PLD1: variants seen among roughly 807,000 people sequenced by gnomAD.
PLD1 encodes the protein choline phosphatase 1.
Under a neutral mutation model 137.1 loss-of-function variants are expected in PLD1, and 112 were observed. The ratio of observed to expected loss-of-function variants is 0.82; its 90% CI spans 0.70 to 0.96. PLD1 has a LOEUF of 0.96. Among genes scored for constraint, PLD1 ranks in the 40% least tolerant of loss-of-function variants. The pLI, the probability that PLD1 is intolerant of heterozygous loss-of-function variation, is 0.00. For missense variants in PLD1, 1,321 were observed against 1,342.0 expected (o/e 0.98, Z 0.24); for synonymous variants, 431 against 454.7 (o/e 0.95, Z 0.66).
chr3:171,794,152 A>T (rs1026025906), intron 1 of PLD1, among the ~76,000 whole-genome samples: 5 of 152,052 alleles, frequency 3.3e-5, no homozygotes, highest in African/African-American at 1.2e-4. Flanking sequence ...CTCAAAAAAA[A>T]AAAAAGAAAA....
At chr3:171,658,620 A>G (rs1737411035) in intron 21 of PLD1, among the ~76,000 whole-genome samples, 1 of 152,190 alleles carries the variant, frequency 6.6e-6, no homozygotes, top group African/African-American at 2.4e-5. Flanking sequence ...GAAAAAGAAA[A>G]ATCAGTGGTA....
chr3:171,613,354 A>G (rs1732835166), intron 24 of PLD1, among the ~76,000 whole-genome samples: 1 of 152,202 alleles, frequency 6.6e-6, no homozygotes. Flanking sequence ...TTGTGGCACA[A>G]AAGATTCTAA....
chr3:171,686,214 C>G (rs1714546688), intron 16 of PLD1, among the ~76,000 whole-genome samples: 1 of 149,828 alleles, frequency 6.7e-6, no homozygotes, highest in African/African-American at 2.4e-5. Flanking sequence ...ATATCAAAAA[C>G]TGCATTTTAG....
At chr3:171,737,419 C>A in intron 3 of PLD1, 113 bp downstream of exon 3, 3 of 983,096 alleles carry the variant, frequency 3.1e-6, no homozygotes, top group Non-Finnish European at 4.3e-6. Flanking sequence ...TAAAAACAAA[C>A]AAACAAAAAC....
chr3:171,729,786 G>T (rs1325765805), intron 6 of PLD1, among the ~76,000 whole-genome samples: 1 of 152,208 alleles, frequency 6.6e-6, no homozygotes, highest in East Asian at 1.9e-4. Flanking sequence ...GCTTTTCCCT[G>T]TTGGAATGAA....
chr3:171,763,580 GAGAAA>G (rs1204600704), intron 1 of PLD1, among the ~76,000 whole-genome samples: 1 of 148,536 alleles, frequency 6.7e-6, no homozygotes, highest in East Asian at 2.0e-4. Context: ...GAGAAAAAAG[GAGAAA>G]AGAAAAGAGA....
chr3:171,749,234 T>TAGGGCCC (rs1397612582), intron 1 of PLD1, among the ~76,000 whole-genome samples: 1 of 152,150 alleles, frequency 6.6e-6, no homozygotes, highest in Non-Finnish European at 1.5e-5. Flanking sequence ...ACTGAAGCTG[T>TAGGGCCC]AGGGCCCAAA....
At chr3:171,740,114 T>G (rs1303731837) in intron 1 of PLD1, among the ~76,000 whole-genome samples, 2 of 152,168 alleles carry the variant, frequency 1.3e-5, no homozygotes, top group Non-Finnish European at 2.9e-5. Context: ...AAACCCTAAC[T>G]GTAGATAAGA....
intron 1 of PLD1, among the ~76,000 whole-genome samples, chr3:171,770,488 C>G (rs1722271055): frequency 6.6e-6 from 1 of 152,178 alleles, no homozygotes; most frequent in Non-Finnish European, 1.5e-5. Flanking sequence ...TGGGGCCCAA[C>G]ACTCCACTAC....
intron 9 of PLD1, among the ~76,000 whole-genome samples, chr3:171,710,878 T>G (rs1173901409): frequency 2.1e-5 from 3 of 140,468 alleles, no homozygotes; most frequent in Admixed American, 2.1e-4. Context: ...TGTTCTTTTT[T>G]TTTTTTTTTT....
chr3:171,723,591 A>G (rs1718296734), intron 8 of PLD1, among the ~76,000 whole-genome samples: 1 of 152,130 alleles, frequency 6.6e-6, no homozygotes, highest in Non-Finnish European at 1.5e-5. Context: ...TCCCATCAAC[A>G]GTGTATGAGG....
In PLD1 at chr3:171,738,091, G is replaced by C. The variant is rs751618313; in HGVS notation, c.-31-9C>G. 4.0e-6 allele frequency: 6 copies of C among 1,514,922 alleles called. No individual in the cohort carries two copies. Among genetic ancestry groups the C allele is most frequent in the Non-Finnish European group, 5.4e-6 (6 of 1,112,304 alleles). 93.8% of individuals were successfully genotyped at this position (1,514,922 alleles called of 1,614,324 possible). ...GAGTAAAAGCAAAGGGGCTAGGAAAGAAGAAAACGGTTACAAAGACTTAGC... is the reference window on the plus strand; with the variant it reads ...GAGTAAAAGCAAAGGGGCTAGGAAACAAGAAAACGGTTACAAAGACTTAGC... On this transcript the variant is annotated splice_polypyrimidine_tract_variant and intron_variant, in intron 1 of 26. Coordinates refer to ENST00000351298, the MANE Select transcript of PLD1 (RefSeq NM_002662.5).
At chr3:171,685,206 G>T (rs1170877592) in intron 16 of PLD1, among the ~76,000 whole-genome samples, 2 of 152,030 alleles carry the variant, frequency 1.3e-5, no homozygotes, top group Non-Finnish European at 2.9e-5. Context: ...TTCCAATGTG[G>T]TCCACGGAAG....
chr3:171,616,783 C>T (rs1393876740), intron 24 of PLD1, among the ~76,000 whole-genome samples: 2 of 152,164 alleles, frequency 1.3e-5, no homozygotes, highest in Non-Finnish European at 2.9e-5. Context: ...GTGGGACTCA[C>T]GCTGAATTTC....
At position 171,688,739 on chromosome 3, in the gene PLD1, G is replaced by C. The variant is rs1293864872; in HGVS notation, c.1476C>G (p.His492Gln). Residue 492 changes from histidine to glutamine, a missense_variant, in exon 14 of 27, where the codon CAC becomes CAG. Coordinates refer to ENST00000351298, the MANE Select transcript of PLD1 (RefSeq NM_002662.5). Reference sequence around the variant, plus strand: ...TCACACTGCCCACGTCTGTGAGTCTGTGCTCATTGTCGTCCCACCTTCCAT... The same window carrying C: ...TCACACTGCCCACGTCTGTGAGTCTCTGCTCATTGTCGTCCCACCTTCCAT... ...LAYGRWDDNE[H>Q]RLTDVGSVKR... 6.2e-7 allele frequency: 1 copy of C among 1,614,176 alleles called. No individual in the cohort carries two copies. The highest frequency in any genetic ancestry group is 1.7e-5 in the Admixed American group (1 of 60,022).
chr3:171,658,726 G>A (rs2108428320), intron 21 of PLD1, among the ~76,000 whole-genome samples: 1 of 152,196 alleles, frequency 6.6e-6, no homozygotes, highest in Admixed American at 6.5e-5. Context: ...GGTGGTGGTT[G>A]TGCAACTCTG....
chr3:171,699,736 A>G lies in PLD1; in HGVS notation c.1227+9T>C, dbSNP rs371212308. The G allele has an allele frequency of 1.3e-6, 2 of 1,595,322 alleles. No homozygotes were observed. Among genetic ancestry groups the G allele is most frequent in the Non-Finnish European group, 1.7e-6 (2 of 1,164,390 alleles). Reference sequence around the variant, plus strand: ...AAATTATATCAGCATTTTCTGGGAAAGTACATACTGCTTTTCGTTTAAGAA... The same window carrying G: ...AAATTATATCAGCATTTTCTGGGAAGGTACATACTGCTTTTCGTTTAAGAA... On this transcript the variant is annotated intron_variant, in intron 12 of 26. Transcript: ENST00000351298.
chr3:171,660,909 A>G (rs1465537097), intron 20 of PLD1, among the ~76,000 whole-genome samples: 2 of 152,146 alleles, frequency 1.3e-5, no homozygotes, highest in East Asian at 3.9e-4. Flanking sequence ...GTGCCCGGCC[A>G]GAAAAGCTGA....
In PLD1 at chr3:171,687,339, T is replaced by C. The variant is rs112884413; in HGVS notation, c.1753+32A>G. The C allele has an allele frequency of 6.3e-5, 99 of 1,566,092 alleles. 1 individual carries two copies. The African/African-American group carries it at 1.0e-3, about 16-fold the overall frequency. ...TGGCTATGGAAGAACAGTGGGTAGT[T>C]AAGATAAATTCTAGTCAAGGCCATG... is the stretch of plus-strand genomic sequence containing the variant. On this transcript the variant is annotated intron_variant, in intron 15 of 26. Transcript: ENST00000351298.
Sources: allele counts gnomAD v4.1 joint callset (sites outside exome capture counted in the v4.1 genomes callset), GRCh38; gene constraint gnomAD v4.1.1; transcripts MANE v1.5; gene names NCBI Gene and HGNC (gene_info 2026-07-23, HGNC 2026-07-21).